ADGRL2: variants seen among roughly 807,000 people sequenced by gnomAD.
ADGRL2 encodes the protein adhesion G protein-coupled receptor L2, also known as calcium-independent alpha-latrotoxin receptor 2.
A neutral mutation model predicts 157.4 loss-of-function variants in ADGRL2; 44 were observed. That is an observed-to-expected ratio of 0.28 (90% CI 0.22 to 0.36). ADGRL2 has a LOEUF of 0.36. Among genes scored for constraint, ADGRL2 ranks in the 10% least tolerant of loss-of-function variants. The pLI, the probability that ADGRL2 is intolerant of heterozygous loss-of-function variation, is 1.00. For missense variants in ADGRL2, 1,510 were observed against 1,768.9 expected (o/e 0.85, Z 2.63); for synonymous variants, 585 against 624.7 (o/e 0.94, Z 0.95).
At chr1:81,644,507 C>A (rs1570719720) in intron 3 of ADGRL2, among the ~76,000 whole-genome samples, 1 of 152,174 alleles carries the variant, frequency 6.6e-6, no homozygotes, top group East Asian at 1.9e-4. Flanking sequence ...ATACAAAGAA[C>A]TCCTAAAATT....
rs142163815 is a variant in ADGRL2 at position 81,517,525 on chromosome 1, C to T, written c.-247-63351C>T. Among the ~76,000 whole-genome samples, 70 of 147,852 alleles carry T rather than the reference C, an allele frequency of 4.7e-4. 1 individual carries two copies. The East Asian group carries it at 0.012, about 25-fold the overall frequency. ...ACCACGATCCTTCGGATTAATGTAT[C>T]GTTTCCTCTCAGCTACCAACATATG... On this transcript the variant is annotated intron_variant, in intron 2 of 24. Coordinates refer to the ADGRL2 transcript ENST00000370721.
At chr1:81,772,346 GA>G (rs1445970078) in intron 2 of ADGRL2, among the ~76,000 whole-genome samples, 1 of 151,326 alleles carries the variant, frequency 6.6e-6, no homozygotes, top group Non-Finnish European at 1.5e-5. Context: ...TAATAATACA[GA>G]AAAGTTTAAC....
intron 3 of ADGRL2, chr1:81,586,001 G>A (rs2081018242): frequency 1.3e-5 from 2 of 151,772 alleles, no homozygotes; most frequent in African/African-American, 4.8e-5. Context: ...GAGCAAAAAG[G>A]TCAGGATATA....
chr1:81,843,550 G>C (rs1457740852), intron 2 of ADGRL2, among the ~76,000 whole-genome samples: 1 of 152,088 alleles, frequency 6.6e-6, no homozygotes, highest in Non-Finnish European at 1.5e-5. Context: ...CTTCTCCATA[G>C]GTAGCGATAA....
chr1:81,859,367 A>G (rs1198115226), intron 2 of ADGRL2, among the ~76,000 whole-genome samples: 2 of 151,266 alleles, frequency 1.3e-5, no homozygotes, highest in Non-Finnish European at 2.9e-5. Context: ...CTTCTATATT[A>G]GAAATTCTCA....
chr1:81,691,806 T>A (rs891820024), intron 3 of ADGRL2, among the ~76,000 whole-genome samples: 1 of 150,812 alleles, frequency 6.6e-6, no homozygotes, highest in Non-Finnish European at 1.5e-5. Context: ...GCCCTCTTTT[T>A]AGGACTTTTG....
intron 2 of ADGRL2, among the ~76,000 whole-genome samples, chr1:81,782,950 C>T (rs980063612): frequency 2.6e-5 from 4 of 152,130 alleles, no homozygotes; most frequent in Non-Finnish European, 2.9e-5. Context: ...AATTGGCCGG[C>T]TTTATCATTT....
intron 3 of ADGRL2, among the ~76,000 whole-genome samples, chr1:81,683,903 G>A (rs1033725999): frequency 6.6e-5 from 10 of 151,620 alleles, no homozygotes; most frequent in Non-Finnish European, 1.2e-4. Context: ...TGCAACCTCC[G>A]CCTCCCAAGT....
chr1:81,854,949 G>A (rs528584557), intron 2 of ADGRL2, among the ~76,000 whole-genome samples: 27 of 152,290 alleles, frequency 1.8e-4, no homozygotes, highest in Admixed American at 1.5e-3. Flanking sequence ...ATGTAGGTGA[G>A]AGATAATCAT....
At position 81,991,424 on chromosome 1, in the gene ADGRL2, T is replaced by C. The variant is rs1664580626; in HGVS notation, c.*279T>C. ...ATTCTGCTGCTGTTTAGAGAAATTG[T>C]GAAACAAGCAAAACAAAACTTTCCA... is the stretch of plus-strand genomic sequence containing the variant. On this transcript the variant is annotated 3_prime_UTR_variant, in exon 24 of 24. Coordinates refer to ENST00000686636, the MANE Select transcript of ADGRL2 (RefSeq NM_001366006.2). 1.9e-5 allele frequency: 5 copies of C among 260,320 alleles called. No homozygotes were observed. The East Asian group carries it at 3.4e-4, about 18-fold the overall frequency. The allele number at this position is 260,320 out of a possible 1,614,324, so 16.1% of individuals were successfully genotyped here.
At chr1:81,986,811 A>T in intron 21 of ADGRL2, 90 bp from the exon 22 acceptor site, 1 of 1,273,296 alleles carries the variant, frequency 7.9e-7, no homozygotes, top group African/African-American at 1.5e-5. Context: ...TGATGAATAT[A>T]AAAAAAATAG....
intron 1 of ADGRL2, among the ~76,000 whole-genome samples, chr1:81,755,822 G>A (rs1348539845): frequency 6.9e-6 from 1 of 145,526 alleles, no homozygotes; most frequent in Non-Finnish European, 1.5e-5. Context: ...AATGCCTGCT[G>A]TATTAAGCCC....
intron 2 of ADGRL2, among the ~76,000 whole-genome samples, chr1:81,560,691 G>A (rs761406377): frequency 7.9e-5 from 12 of 152,132 alleles, no homozygotes; most frequent in South Asian, 2.1e-4. Flanking sequence ...GAGGATGATC[G>A]TGGTGAAGAA....
intron 1 of ADGRL2, among the ~76,000 whole-genome samples, chr1:81,349,940 A>C (rs993120817): frequency 5.1e-4 from 78 of 152,148 alleles, no homozygotes; most frequent in African/African-American, 1.9e-3. Flanking sequence ...AAAGCACTTT[A>C]CAATCTTCTA....
At chr1:81,424,901 A>G (rs924204309) in intron 1 of ADGRL2, among the ~76,000 whole-genome samples, 1 of 152,220 alleles carries the variant, frequency 6.6e-6, no homozygotes, top group Non-Finnish European at 1.5e-5. Context: ...AGCAATTAAT[A>G]ACACTAGTAG....
At chr1:81,353,495 G>C (rs918765373) in intron 1 of ADGRL2, among the ~76,000 whole-genome samples, 3 of 152,102 alleles carry the variant, frequency 2.0e-5, no homozygotes, top group Non-Finnish European at 4.4e-5. Flanking sequence ...CTCCACTACG[G>C]CTGCAAATGA....
At chr1:81,604,664 C>G (rs1256010422) in intron 3 of ADGRL2, among the ~76,000 whole-genome samples, 1 of 152,130 alleles carries the variant, frequency 6.6e-6, no homozygotes, top group Non-Finnish European at 1.5e-5. Context: ...GCTGGCCACC[C>G]TACCAAGGGT....
At chr1:81,751,526 T>C (rs1263969478) in intron 1 of ADGRL2, among the ~76,000 whole-genome samples, 1 of 152,166 alleles carries the variant, frequency 6.6e-6, no homozygotes, top group Non-Finnish European at 1.5e-5. Flanking sequence ...GTCAAATTCA[T>C]GAAAGCCATG....
intron 6 of ADGRL2, among the ~76,000 whole-genome samples, chr1:81,944,955 A>G (rs774761180): frequency 2.6e-5 from 4 of 152,082 alleles, no homozygotes; most frequent in African/African-American, 9.7e-5. Context: ...TAGAATACCA[A>G]AATACATGAG....
Sources: gnomAD v4.1 joint callset for allele counts (sites outside exome capture counted in the v4.1 genomes callset) on GRCh38, gnomAD v4.1.1 for gene constraint, MANE v1.5 for transcripts, NCBI Gene and HGNC (gene_info 2026-07-23, HGNC 2026-07-21) for gene names.